The following NAV2 variants were observed in gnomAD, a reference collection of about 807,000 sequenced individuals.
NAV2 encodes the protein neuron navigator 2.
NAV2 carries 54 observed loss-of-function variants against 223.2 expected under a neutral mutation model. The ratio of observed to expected loss-of-function variants is 0.24; its 90% CI spans 0.19 to 0.30. NAV2 has a LOEUF of 0.30. NAV2 is among the 10% of genes least tolerant of loss of function. The pLI, the probability that NAV2 is intolerant of heterozygous loss-of-function variation, is 1.00. For missense variants in NAV2, 2,806 were observed against 3,147.5 expected, an observed-to-expected ratio of 0.89 and a Z score of 2.60; for synonymous variants, 1,279 against 1,239.3, an observed-to-expected ratio of 1.03 and a Z score of -0.67.
chr11:20,109,545 A>G (rs996389886), intron 36 of NAV2, among the ~76,000 whole-genome samples: 2 of 152,240 alleles, frequency 1.3e-5, no homozygotes, highest in African/African-American at 4.8e-5. Flanking sequence ...CAGTGGAAGC[A>G]TCTCCTACCT....
intron 26 of NAV2, among the ~76,000 whole-genome samples, chr11:20,089,782 T>C (rs2060701010): frequency 6.6e-6 from 1 of 152,220 alleles, no homozygotes; most frequent in Admixed American, 6.5e-5. Flanking sequence ...TGTATGATCT[T>C]CTACTTTGTG....
intron 4 of NAV2, among the ~76,000 whole-genome samples, chr11:19,876,129 G>A (rs575847925): frequency 3.3e-5 from 5 of 152,228 alleles, no homozygotes; most frequent in South Asian, 2.1e-4. Context: ...GGGTTCAAGC[G>A]ATTCTCCTGC....
intron 1 of NAV2, among the ~76,000 whole-genome samples, chr11:19,771,418 C>A (rs2055709477): frequency 6.6e-6 from 1 of 151,968 alleles, no homozygotes; most frequent in South Asian, 2.1e-4. Flanking sequence ...AACGTGATAT[C>A]AATTGGTAGA....
At chr11:20,002,353 G>A (rs1180209552) in intron 11 of NAV2, among the ~76,000 whole-genome samples, 1 of 152,136 alleles carries the variant, frequency 6.6e-6, no homozygotes, top group Non-Finnish European at 1.5e-5. Flanking sequence ...CTGGAGTGGA[G>A]CCTTTTTCAA....
intron 3 of NAV2, among the ~76,000 whole-genome samples, chr11:19,854,622 C>G (rs2061326086): frequency 6.6e-6 from 1 of 152,086 alleles, no homozygotes; most frequent in Non-Finnish European, 1.5e-5. Flanking sequence ...TGCCTATCCC[C>G]CTGCACACAT....
At chr11:19,867,100 A>C (rs538970211) in intron 3 of NAV2, among the ~76,000 whole-genome samples, 1 of 152,334 alleles carries the variant, frequency 6.6e-6, no homozygotes, top group South Asian at 2.1e-4. Flanking sequence ...ACTGATAGTT[A>C]ACATTTGTTC....
chr11:19,441,397 A>G (rs762727562), intron 1 of NAV2, among the ~76,000 whole-genome samples: 10 of 151,990 alleles, frequency 6.6e-5, no homozygotes, highest in Non-Finnish European at 1.3e-4. Flanking sequence ...TGTGAGGAGA[A>G]CAGATCGGAG....
At chr11:20,014,931 T>G (rs1189818696) in intron 11 of NAV2, among the ~76,000 whole-genome samples, 1 of 145,164 alleles carries the variant, frequency 6.9e-6, no homozygotes. Flanking sequence ...TAAATATAAA[T>G]ATAAATATAA....
intron 1 of NAV2, among the ~76,000 whole-genome samples, chr11:19,466,984 TAC>T (rs3042688): frequency 0.011 from 1,398 of 125,114 alleles, 28 homozygotes; most frequent in African/African-American, 0.036. Context: ...TCTCTCTCTC[TAC>T]ACACACACAC....
chr11:19,642,886 C>T (rs1169144753), intron 1 of NAV2, among the ~76,000 whole-genome samples: 3 of 152,154 alleles, frequency 2.0e-5, no homozygotes, highest in Non-Finnish European at 2.9e-5. Flanking sequence ...CTGCCTGCTG[C>T]GAGAAAGTGG....
intron 1 of NAV2, among the ~76,000 whole-genome samples, chr11:19,613,431 A>G (rs1487361284): frequency 6.6e-6 from 1 of 152,254 alleles, no homozygotes; most frequent in East Asian, 1.9e-4. Flanking sequence ...GGCCTTGGGT[A>G]TGGACAGATC....
At chr11:19,460,890 A>G (rs181001073) in intron 1 of NAV2, among the ~76,000 whole-genome samples, 3 of 152,174 alleles carry the variant, frequency 2.0e-5, no homozygotes, top group Admixed American at 6.5e-5. Flanking sequence ...TTTGCCTGCT[A>G]GGTGGGGTCC....
At chr11:19,695,761 A>C (rs2049312745) in intron 1 of NAV2, among the ~76,000 whole-genome samples, 2 of 152,122 alleles carry the variant, frequency 1.3e-5, no homozygotes, top group Admixed American at 1.3e-4. Flanking sequence ...AAAATTAGCC[A>C]GGCATGGTGG....
chr11:19,530,604 C>T (rs1178000777), intron 1 of NAV2, among the ~76,000 whole-genome samples: 1 of 152,224 alleles, frequency 6.6e-6, no homozygotes, highest in Non-Finnish European at 1.5e-5. Context: ...AGCATGGACA[C>T]CGCTGTGCTT....
rs79885124 is a variant in NAV2, at chr11:19,550,696, C to T, written c.75+199669C>T. Among the ~76,000 whole-genome samples, 10 of 152,320 alleles carry T rather than the reference C, an allele frequency of 6.6e-5. No individual in the cohort carries two copies. The East Asian group carries it at 1.7e-3, about 26-fold the overall frequency. The stretch of plus-strand genomic sequence containing the variant: ...TTCCTACGTGGGCCCTGTGATATTG[C>T]CCACTCCCCTTGAGGTAGGAGGCAG... On this transcript the variant is annotated intron_variant, in intron 1 of 37. Coordinates refer to the NAV2 transcript ENST00000360655.
rs2047160933 is a variant in NAV2, at chr11:19,948,987, T to G, written c.2552T>G (p.Met851Arg). ...VDVSDKAGDE[M>R]DLEGISMDAP... ...GTCTCAGACAAGGCAGGAGATGAGATGGACCTGGAAGGCATCAGCATGGAT... is the reference window on the plus strand; with the variant it reads ...GTCTCAGACAAGGCAGGAGATGAGAGGGACCTGGAAGGCATCAGCATGGAT... Residue 851 changes from methionine to arginine, a missense_variant, in exon 10 of 38, where the codon ATG becomes AGG. Physicochemically the swap from Met to Arg is moderately conservative, Grantham distance 91. Coordinates refer to ENST00000349880, the MANE Select transcript of NAV2 (RefSeq NM_145117.5). 1 of 1,613,740 alleles carries G rather than the reference T, an allele frequency of 6.2e-7. No homozygotes were observed. Among genetic ancestry groups the G allele is most frequent in the Admixed American group, 1.7e-5 (1 of 59,994 alleles).
intron 1 of NAV2, among the ~76,000 whole-genome samples, chr11:19,799,942 T>C (rs375574372): frequency 1.2e-4 from 18 of 152,268 alleles, no homozygotes; most frequent in African/African-American, 4.1e-4. Flanking sequence ...TTCACAAGAG[T>C]AATTTGATGG....
chr11:20,043,829 A>C (rs2057184959), intron 12 of NAV2, 152 bp from the exon 13 acceptor site: 1 of 632,548 alleles, frequency 1.6e-6, no homozygotes, highest in African/African-American at 1.8e-5. Flanking sequence ...TCTTTCTAAC[A>C]AGATAACCAG....
intron 1 of NAV2, among the ~76,000 whole-genome samples, chr11:19,725,711 T>A (rs1213584055): frequency 6.6e-6 from 1 of 152,226 alleles, no homozygotes; most frequent in Non-Finnish European, 1.5e-5. Flanking sequence ...GCTAAAAATA[T>A]GCCAGCTTTG....
Sources: gnomAD v4.1 joint callset for allele counts (sites outside exome capture counted in the v4.1 genomes callset) on GRCh38, gnomAD v4.1.1 for gene constraint, MANE v1.5 for transcripts, NCBI Gene and HGNC (gene_info 2026-07-23, HGNC 2026-07-21) for gene names.